SYNDIG1: variants seen among roughly 807,000 people sequenced by gnomAD.
SYNDIG1 encodes the protein synapse differentiation inducing 1.
In SYNDIG1, 9 loss-of-function variants were observed where a neutral mutation model predicts 19.4. That is an observed-to-expected ratio of 0.46 (90% CI 0.28 to 0.81). The LOEUF (loss-of-function observed/expected upper bound fraction) is 0.81. Among genes scored for constraint, SYNDIG1 ranks in the 30% least tolerant of loss-of-function variants. The pLI, the probability that SYNDIG1 is intolerant of heterozygous loss-of-function variation, is 0.12. For synonymous variants in SYNDIG1, 141 were observed against 145.9 expected, an observed-to-expected ratio of 0.97 and a Z score of 0.24; for missense variants, 311 against 343.3, an observed-to-expected ratio of 0.91 and a Z score of 0.74.
intron 1 of SYNDIG1, among the ~76,000 whole-genome samples, chr20:24,486,684 G>A (rs911738708): frequency 1.3e-5 from 2 of 150,298 alleles, no homozygotes; most frequent in African/African-American, 4.9e-5. Flanking sequence ...TTTTGTGATG[G>A]AGTCTCGCTC....
chr20:24,621,250 C>T (rs2059033815), intron 3 of SYNDIG1, among the ~76,000 whole-genome samples: 1 of 152,232 alleles, frequency 6.6e-6, no homozygotes, highest in Non-Finnish European at 1.5e-5. Context: ...ATGCATCTCA[C>T]TTGTTATTCT....
chr20:24,662,254 C>T (rs1488123625), intron 3 of SYNDIG1, among the ~76,000 whole-genome samples: 1 of 151,774 alleles, frequency 6.6e-6, no homozygotes, highest in Non-Finnish European at 1.5e-5. Context: ...ACTTGAGGGA[C>T]AGGAAGGGGG....
intron 3 of SYNDIG1, among the ~76,000 whole-genome samples, chr20:24,618,261 G>GA (rs1255512862): frequency 6.7e-6 from 1 of 149,602 alleles, no homozygotes; most frequent in African/African-American, 2.5e-5. Context: ...CGGGAGGGGG[G>GA]AGAGTCCCGG....
intron 1 of SYNDIG1, among the ~76,000 whole-genome samples, chr20:24,539,767 G>A (rs1327362821): frequency 1.6e-4 from 2 of 12,798 alleles, no homozygotes; most frequent in Non-Finnish European, 3.6e-4. Context: ...GCAGTGTTTT[G>A]TTTGTTTGTT....
At chr20:24,579,909 C>T (rs1600673249) in intron 2 of SYNDIG1, among the ~76,000 whole-genome samples, 1 of 152,304 alleles carries the variant, frequency 6.6e-6, no homozygotes, top group East Asian at 1.9e-4. Context: ...GTGTCATGCC[C>T]TGCGCTATGA....
intron 1 of SYNDIG1, among the ~76,000 whole-genome samples, chr20:24,509,498 T>C (rs934202341): frequency 5.3e-5 from 8 of 152,262 alleles, no homozygotes; most frequent in African/African-American, 1.9e-4. Flanking sequence ...TTAACCATTG[T>C]GAGTGTGGTT....
At chr20:24,479,125 C>T (rs958601616) in intron 1 of SYNDIG1, among the ~76,000 whole-genome samples, 1 of 152,168 alleles carries the variant, frequency 6.6e-6, no homozygotes, top group Non-Finnish European at 1.5e-5. Context: ...CTCCATAAGA[C>T]TAAGTTGGTG....
intron 1 of SYNDIG1, among the ~76,000 whole-genome samples, chr20:24,485,506 C>T (rs1304007987): frequency 2.0e-5 from 3 of 152,202 alleles, no homozygotes; most frequent in African/African-American, 7.2e-5. Flanking sequence ...GTTTCAGGTC[C>T]TTGTAGATCT....
At chr20:24,566,764 C>T (rs900347829) in intron 2 of SYNDIG1, among the ~76,000 whole-genome samples, 9 of 152,194 alleles carry the variant, frequency 5.9e-5, no homozygotes, top group African/African-American at 1.9e-4. Flanking sequence ...CTCCCAAGTC[C>T]GTCAGGCTTC....
intron 3 of SYNDIG1, among the ~76,000 whole-genome samples, chr20:24,620,541 C>T (rs1048771638): frequency 9.2e-5 from 14 of 152,230 alleles, no homozygotes; most frequent in Non-Finnish European, 1.5e-4. Flanking sequence ...CTCAAGCAAA[C>T]GTCCTACATC....
At chr20:24,506,067 C>T (rs1468392700) in intron 1 of SYNDIG1, among the ~76,000 whole-genome samples, 1 of 152,224 alleles carries the variant, frequency 6.6e-6, no homozygotes, top group Non-Finnish European at 1.5e-5. Context: ...TATGACTTAG[C>T]TCCCACCAAC....
chr20:24,517,746 T>C (rs914265784), intron 1 of SYNDIG1, among the ~76,000 whole-genome samples: 61 of 136,860 alleles, frequency 4.5e-4, no homozygotes, highest in Non-Finnish European at 9.1e-4. Flanking sequence ...TATATGTGTA[T>C]GTGTGTGTGT....
chr20:24,588,572 G>A (rs2147057274), intron 3 of SYNDIG1, among the ~76,000 whole-genome samples: 1 of 152,266 alleles, frequency 6.6e-6, no homozygotes, highest in South Asian at 2.1e-4. Context: ...TTTTGAGGAG[G>A]CCTCCAGCTC....
intron 3 of SYNDIG1, among the ~76,000 whole-genome samples, chr20:24,652,408 A>G (rs1253653364): frequency 6.6e-6 from 1 of 152,156 alleles, no homozygotes; most frequent in East Asian, 1.9e-4. Flanking sequence ...CACAAAACTT[A>G]TATGAGCTCC....
At chr20:24,498,767 A>C (rs2056365601) in intron 1 of SYNDIG1, among the ~76,000 whole-genome samples, 1 of 152,110 alleles carries the variant, frequency 6.6e-6, no homozygotes, top group Non-Finnish European at 1.5e-5. Flanking sequence ...CGTAAGGTTG[A>C]CCAGTGTTCC....
intron 3 of SYNDIG1, among the ~76,000 whole-genome samples, chr20:24,624,698 A>C (rs1233429386): frequency 6.6e-6 from 1 of 152,240 alleles, no homozygotes; most frequent in African/African-American, 2.4e-5. Flanking sequence ...AATCAACTTG[A>C]CCTTATTAAC....
At chr20:24,567,717 T>G (rs1446768799) in intron 2 of SYNDIG1, among the ~76,000 whole-genome samples, 1 of 152,204 alleles carries the variant, frequency 6.6e-6, no homozygotes, top group Non-Finnish European at 1.5e-5. Context: ...ACTGCCTCCC[T>G]GAAAACTCAG....
At chr20:24,640,384 G>A (rs537332750) in intron 3 of SYNDIG1, among the ~76,000 whole-genome samples, 1 of 150,376 alleles carries the variant, frequency 6.6e-6, no homozygotes, top group African/African-American at 2.4e-5. Context: ...AGGGAGGAAG[G>A]GAGGGAGAAA....
intron 2 of SYNDIG1, among the ~76,000 whole-genome samples, chr20:24,575,129 C>G (rs2058207162): frequency 6.6e-6 from 1 of 152,160 alleles, no homozygotes; most frequent in Non-Finnish European, 1.5e-5. Context: ...GGCTTTCTTC[C>G]CAAAGTTTGC....
Sources: allele counts gnomAD v4.1 joint callset (sites outside exome capture counted in the v4.1 genomes callset), GRCh38; gene constraint gnomAD v4.1.1; transcripts MANE v1.5; gene names NCBI Gene and HGNC (gene_info 2026-07-23, HGNC 2026-07-21).